NALF1: variants seen among roughly 807,000 people sequenced by gnomAD.
NALF1 encodes NALCN channel auxiliary factor 1, also known as family with sequence similarity 155 member A.
A neutral mutation model predicts 48.4 loss-of-function variants in NALF1; 3 were observed. The observed-to-expected ratio is 0.06, with a 90% CI of 0.03 to 0.16. The LOEUF (loss-of-function observed/expected upper bound fraction) is 0.16, where lower values mean the gene tolerates loss of function less well. NALF1 is among the 10% of genes least tolerant of loss of function. The pLI is 1.00. For missense variants in NALF1, 526 were observed against 571.5 expected, an observed-to-expected ratio of 0.92 and a Z score of 0.81; for synonymous variants, 262 against 245.7, an observed-to-expected ratio of 1.07 and a Z score of -0.62.
At chr13:107,611,215 G>C (rs1879216876) in intron 1 of NALF1, among the ~76,000 whole-genome samples, 1 of 152,330 alleles carries the variant, frequency 6.6e-6, no homozygotes, top group African/African-American at 2.4e-5. Flanking sequence ...AGGCGTTTTA[G>C]TCAGAGCTTG....
chr13:107,178,188 C>G (rs939286564), intron 2 of NALF1, among the ~76,000 whole-genome samples: 3 of 152,092 alleles, frequency 2.0e-5, no homozygotes, highest in African/African-American at 7.2e-5. Context: ...GCAACCAAAG[C>G]AAAAATGGAC....
intron 1 of NALF1, among the ~76,000 whole-genome samples, chr13:107,759,359 C>T (rs1162043912): frequency 6.6e-6 from 1 of 152,122 alleles, no homozygotes; most frequent in Non-Finnish European, 1.5e-5. Flanking sequence ...CAGGTGCATG[C>T]CACCACCCTT....
intron 1 of NALF1, among the ~76,000 whole-genome samples, chr13:107,421,562 T>C (rs929265550): frequency 4.6e-5 from 7 of 152,208 alleles, no homozygotes; most frequent in African/African-American, 1.7e-4. Flanking sequence ...TATACTGTTT[T>C]TTATAATGAT....
chr13:107,290,943 A>T (rs2138882535), intron 1 of NALF1, among the ~76,000 whole-genome samples: 1 of 152,218 alleles, frequency 6.6e-6, no homozygotes, highest in African/African-American at 2.4e-5. Flanking sequence ...ACAGTTATTA[A>T]TTGAAGATTT....
At chr13:107,865,400 C>T (rs891241327) in intron 1 of NALF1, among the ~76,000 whole-genome samples, 1 of 152,126 alleles carries the variant, frequency 6.6e-6, no homozygotes, top group Non-Finnish European at 1.5e-5. Context: ...TTTGAGCCAA[C>T]TGCATGAATG....
intron 1 of NALF1, among the ~76,000 whole-genome samples, chr13:107,452,069 TCTTTGACCTCA>T (rs1466427215): frequency 1.3e-5 from 2 of 148,790 alleles, no homozygotes; most frequent in African/African-American, 4.9e-5. Context: ...ATAGTGTATT[TCTTTGACCTCA>T]CTGAGGCTTC....
At position 107,445,947 on chromosome 13, in the gene NALF1, A is replaced by AT. The variant is rs886653339; in HGVS notation, c.916-235193dup. 1.2e-3 allele frequency among the ~76,000 whole-genome samples: 174 copies of AT among 147,814 alleles called. 1 individual carries two copies. The highest frequency in any genetic ancestry group is 3.3e-3 in the African/African-American group (133 of 40,492). On this transcript the variant is annotated intron_variant, in intron 1 of 2. Coordinates refer to ENST00000375915, the MANE Select transcript of NALF1 (RefSeq NM_001080396.3). ...CTGGTCACATTTATATTTGGGACAGATTTTTTTTTTTAGATGGAATCTCGC... is the reference window on the plus strand; with the variant it reads ...CTGGTCACATTTATATTTGGGACAGATTTTTTTTTTTTAGATGGAATCTCGC...
Position 107,649,234 on chromosome 13 carries a change from T to G in NALF1, c.915+216448A>C, listed in dbSNP as rs574867019. Among the ~76,000 whole-genome samples the G allele has an allele frequency of 3.9e-5, 6 of 152,346 alleles. No homozygotes were observed. In the East Asian group the frequency reaches 1.2e-3, roughly 29 times the overall value. On this transcript the variant is annotated intron_variant, in intron 1 of 2. Coordinates refer to ENST00000375915, the MANE Select transcript of NALF1 (RefSeq NM_001080396.3). ...TGTTACTTTCCTTTTCATCCCACCA[T>G]GTGGGAACTGTCAATCTTCACTGTT...
chr13:107,379,607 T>C (rs1359486390), intron 1 of NALF1, among the ~76,000 whole-genome samples: 3 of 152,154 alleles, frequency 2.0e-5, no homozygotes, highest in African/African-American at 7.2e-5. Context: ...CAGGGAATGT[T>C]GCTAATGACA....
intron 1 of NALF1, among the ~76,000 whole-genome samples, chr13:107,832,998 C>T (rs1261200608): frequency 6.6e-6 from 1 of 152,188 alleles, no homozygotes; most frequent in African/African-American, 2.4e-5. Context: ...TACCATGGAG[C>T]TAGTCAGCAC....
At chr13:107,843,902 T>C (rs1057134434) in intron 1 of NALF1, among the ~76,000 whole-genome samples, 4 of 152,178 alleles carry the variant, frequency 2.6e-5, no homozygotes, top group Admixed American at 6.6e-5. Context: ...TTGTGTAACA[T>C]AGACGTTGCC....
At chr13:107,196,426 G>A (rs933680930) in intron 2 of NALF1, among the ~76,000 whole-genome samples, 31 of 152,194 alleles carry the variant, frequency 2.0e-4, no homozygotes, top group African/African-American at 7.2e-4. Flanking sequence ...CAGCCAAGAT[G>A]TAGAAACAAT....
intron 1 of NALF1, among the ~76,000 whole-genome samples, chr13:107,375,451 C>A (rs1883319957): frequency 6.6e-6 from 1 of 151,924 alleles, no homozygotes; most frequent in South Asian, 2.1e-4. Flanking sequence ...ATTAAACAAG[C>A]AAAGTCATTC....
intron 1 of NALF1, among the ~76,000 whole-genome samples, chr13:107,610,728 A>G (rs1417812120): frequency 6.6e-6 from 1 of 152,218 alleles, no homozygotes. Context: ...GGTCTCTGGA[A>G]AGTAGAAAAT....
chr13:107,809,035 G>A (rs1264767049), intron 1 of NALF1, among the ~76,000 whole-genome samples: 6 of 152,026 alleles, frequency 3.9e-5, no homozygotes, highest in Non-Finnish European at 8.8e-5. Context: ...TATGACTAAA[G>A]AAGAAACAAC....
At chr13:107,641,436 T>C (rs1206795748) in intron 1 of NALF1, among the ~76,000 whole-genome samples, 1 of 152,120 alleles carries the variant, frequency 6.6e-6, no homozygotes, top group Non-Finnish European at 1.5e-5. Context: ...AAAAAGATAA[T>C]TGAGGTGATG....
Position 107,694,578 on chromosome 13 carries a change from ATCAC to A in NALF1, c.915+171100_915+171103del, listed in dbSNP as rs571703327. ...CAAAAAAGTATTTAGGTACTGTTAA[ATCAC>A]TGACAACTTATTGACATTTGAGATA... is the stretch of plus-strand genomic sequence containing the variant. On this transcript the variant is annotated intron_variant, in intron 1 of 2. Coordinates refer to ENST00000375915, the MANE Select transcript of NALF1 (RefSeq NM_001080396.3). 9.0e-4 allele frequency among the ~76,000 whole-genome samples: 137 copies of A among 152,290 alleles called. 2 individuals are homozygous for A. Among genetic ancestry groups the A allele is most frequent in the African/African-American group, 3.1e-3 (128 of 41,574 alleles).
chr13:107,327,100 T>C (rs542318300), intron 1 of NALF1, among the ~76,000 whole-genome samples: 3 of 152,242 alleles, frequency 2.0e-5, no homozygotes, highest in Non-Finnish European at 4.4e-5. Flanking sequence ...AATTTTTAGA[T>C]GTTATGACTT....
intron 1 of NALF1, among the ~76,000 whole-genome samples, chr13:107,602,059 A>G (rs1878946066): frequency 6.6e-6 from 1 of 152,212 alleles, no homozygotes; most frequent in African/African-American, 2.4e-5. Flanking sequence ...AATTGTATAG[A>G]AAGGTCTCTG....
Sources: allele counts gnomAD v4.1 joint callset (sites outside exome capture counted in the v4.1 genomes callset), GRCh38; gene constraint gnomAD v4.1.1; transcripts MANE v1.5; gene names NCBI Gene and HGNC (gene_info 2026-07-23, HGNC 2026-07-21).